The following RANBP2 variants were observed in gnomAD, a reference collection of about 807,000 sequenced individuals.
RANBP2 encodes E3 SUMO-protein ligase RanBP2.
RANBP2 carries 57 observed loss-of-function variants against 303.6 expected under a neutral mutation model. That is an observed-to-expected ratio of 0.19 (90% CI 0.15 to 0.23). The LOEUF (loss-of-function observed/expected upper bound fraction) is 0.23, where lower values mean the gene tolerates loss of function less well. Among genes scored for constraint, RANBP2 ranks in the 10% least tolerant of loss-of-function variants. The pLI is 1.00. For synonymous variants in RANBP2, 1,167 were observed against 1,301.5 expected, an observed-to-expected ratio of 0.90 and a Z score of 2.23; for missense variants, 3,138 against 3,780.8, an observed-to-expected ratio of 0.83 and a Z score of 4.46.
chr2:109,038,605 T>G, the RANBP2 span, among the ~76,000 whole-genome samples: 1 of 152,122 alleles, frequency 6.6e-6, no homozygotes, highest in African/African-American at 2.4e-5. Flanking sequence ...AGCTACAGAC[T>G]GAAAGAAAAT....
the RANBP2 span, among the ~76,000 whole-genome samples, chr2:109,702,836 G>T: frequency 2.0e-5 from 3 of 150,336 alleles, no homozygotes; most frequent in South Asian, 2.1e-4. Flanking sequence ...CTACGTCATA[G>T]GTATATTGGT....
chr2:108,811,243 C>CTTT, the RANBP2 span, among the ~76,000 whole-genome samples: 1 of 28,700 alleles, frequency 3.5e-5, no homozygotes, highest in Non-Finnish European at 6.5e-5. Flanking sequence ...TTCTTTCTCT[C>CTTT]TCTCTTTTTT....
At chr2:109,050,022 C>T in the RANBP2 span, among the ~76,000 whole-genome samples, 2 of 152,096 alleles carry the variant, frequency 1.3e-5, no homozygotes, top group Non-Finnish European at 2.9e-5. Context: ...TTTGAGCAGT[C>T]CTACTGGTGG....
the RANBP2 span, among the ~76,000 whole-genome samples, chr2:109,598,076 T>G: frequency 2.4e-4 from 37 of 152,284 alleles, no homozygotes; most frequent in South Asian, 3.9e-3. Context: ...GTTTTGTTTT[T>G]TTTGAGATGG....
the RANBP2 span, chr2:109,760,178 T>C: frequency 3.5e-5 from 5 of 142,968 alleles, no homozygotes; most frequent in Non-Finnish European, 7.6e-5. Context: ...GTGCATTCCT[T>C]AGGGAAAAAC....
In RANBP2 at chr2:108,740,616, A is replaced by G. The variant is rs773963613; in HGVS notation, c.910A>G (p.Ser304Gly). 30 of 1,597,388 alleles carry G rather than the reference A, an allele frequency of 1.9e-5. No individual in the cohort carries two copies. The highest frequency in any genetic ancestry group is 2.5e-5 in the Non-Finnish European group (29 of 1,179,774). ...GSLLLKMGQHSSNVQWRALSE... is the reference protein window; with the variant it reads ...GSLLLKMGQHGSNVQWRALSE... ...TCTGCTTTTGAAGATGGGTCAGCATAGTAGTAATGTTCAATGGCGAGCTCT... is the reference window on the plus strand; with the variant it reads ...TCTGCTTTTGAAGATGGGTCAGCATGGTAGTAATGTTCAATGGCGAGCTCT... The change falls in exon 7 of 29, where the codon AGT (serine) becomes GGT (glycine). Residue 304 changes from serine (S) to glycine (G), a missense_variant. Ser to Gly is a moderately conservative substitution (Grantham distance 56). Around this residue, in one of 20 missense-constraint regions of RANBP2, gnomAD observed 306 missense variants for 381.9 expected, o/e 0.80. Transcript: ENST00000283195.
downstream of RANBP2, chr2:108,786,887 A>G (rs1678873327): frequency 3.8e-6 from 6 of 1,564,968 alleles, no homozygotes; most frequent in South Asian, 2.3e-5. Flanking sequence ...AAAAGCCGCT[A>G]CGGACTCGGG....
the RANBP2 span, among the ~76,000 whole-genome samples, chr2:109,312,172 A>G: frequency 6.6e-6 from 1 of 152,220 alleles, no homozygotes; most frequent in East Asian, 1.9e-4. Flanking sequence ...CAAATCTTAC[A>G]AAGTCTAATG....
chr2:109,066,933 T>A, the RANBP2 span, among the ~76,000 whole-genome samples: 4 of 152,220 alleles, frequency 2.6e-5, no homozygotes, highest in East Asian at 7.7e-4. Context: ...ACAATATTAT[T>A]TCCTTTCAAC....
At chr2:109,571,195 G>T in the RANBP2 span, among the ~76,000 whole-genome samples, 1 of 152,204 alleles carries the variant, frequency 6.6e-6, no homozygotes, top group Admixed American at 6.5e-5. Context: ...CAGGCTTCTT[G>T]TACAGCCTAA....
At chr2:108,727,320 A>G (rs1184403266) in intron 1 of RANBP2, among the ~76,000 whole-genome samples, 1 of 152,194 alleles carries the variant, frequency 6.6e-6, no homozygotes, top group Non-Finnish European at 1.5e-5. Context: ...TGTCCATGAA[A>G]TTGTGAAGAA....
At chr2:109,342,658 CAG>C in the RANBP2 span, among the ~76,000 whole-genome samples, 1 of 152,230 alleles carries the variant, frequency 6.6e-6, no homozygotes, top group African/African-American at 2.4e-5. Flanking sequence ...CGCCCTTACT[CAG>C]GGGTACGGCT....
chr2:109,629,784 C>A, the RANBP2 span, among the ~76,000 whole-genome samples: 1 of 151,888 alleles, frequency 6.6e-6, no homozygotes, highest in Non-Finnish European at 1.5e-5. Context: ...GCACTTCAGC[C>A]TGGGCAATAG....
chr2:109,474,554 C>T, the RANBP2 span, among the ~76,000 whole-genome samples: 448 of 152,300 alleles, frequency 2.9e-3, 2 homozygotes, highest in South Asian at 0.011. Context: ...CCGAACCGCA[C>T]GGGGCTTATA....
chr2:109,395,056 A>C, the RANBP2 span, among the ~76,000 whole-genome samples: 1 of 152,224 alleles, frequency 6.6e-6, no homozygotes, highest in African/African-American at 2.4e-5. Flanking sequence ...GACGTGACTA[A>C]TTGGAGCTTG....
At chr2:108,771,197 GCAA>G (rs1466121317) in intron 20 of RANBP2, among the ~76,000 whole-genome samples, 2 of 150,564 alleles carry the variant, frequency 1.3e-5, no homozygotes, top group Non-Finnish European at 3.0e-5. Context: ...CAAACTAGAT[GCAA>G]CTCTAGTCAC....
chr2:109,043,498 A>G, the RANBP2 span, among the ~76,000 whole-genome samples: 1 of 152,222 alleles, frequency 6.6e-6, no homozygotes, highest in Admixed American at 6.5e-5. Flanking sequence ...GCAAGCCATC[A>G]TGCCAGGCTA....
the RANBP2 span, among the ~76,000 whole-genome samples, chr2:109,444,738 C>T: frequency 3.3e-5 from 5 of 152,004 alleles, no homozygotes; most frequent in Non-Finnish European, 5.9e-5. Context: ...CTGCCAGACC[C>T]AGAAAAGTAG....
chr2:108,764,638 T>C lies in RANBP2; in HGVS notation c.4099T>C (p.Ser1367Pro). ...TAACAGCTGCTCATTAAAGAATGCTTCAACTGCTAAGAAATGTGTATCATG... is the reference window on the plus strand; with the variant it reads ...TAACAGCTGCTCATTAAAGAATGCTCCAACTGCTAAGAAATGTGTATCATG... ...HCNSCSLKNASTAKKCVSCQN... is the reference protein window; with the variant it reads ...HCNSCSLKNAPTAKKCVSCQN... Residue 1367 changes from serine to proline, a missense_variant, in exon 20 of 29, where the codon TCA becomes CCA. This residue lies in a region of RANBP2 where 388 missense variants were observed against 328.5 expected (regional missense o/e 1.18). Transcript: ENST00000283195. 2 of 1,613,988 alleles carry C rather than the reference T, an allele frequency of 1.2e-6. No individual in the cohort carries two copies. Among genetic ancestry groups the C allele is most frequent in the Non-Finnish European group, 1.7e-6 (2 of 1,179,942 alleles).
Sources: gnomAD v4.1 joint callset for allele counts (sites outside exome capture counted in the v4.1 genomes callset) on GRCh38, gnomAD v4.1.1 for gene constraint, gnomAD v4.1.1 regional missense constraint, MANE v1.5 for transcripts, NCBI Gene and HGNC (gene_info 2026-07-23, HGNC 2026-07-21) for gene names.